The following FARP2 variants were observed in gnomAD, a reference collection of about 807,000 sequenced individuals.
FARP2 encodes the protein FERM, ARH/RhoGEF and pleckstrin domain protein 2.
Under a neutral mutation model 130.5 loss-of-function variants are expected in FARP2, and 111 were observed. That is an observed-to-expected ratio of 0.85 (90% confidence interval 0.73 to 1.00). FARP2 has a LOEUF of 1.00. Among genes scored for constraint, FARP2 ranks in the 50% least tolerant of loss-of-function variants. The pLI is 0.00. For missense variants in FARP2, 1,385 were observed against 1,346.3 expected (o/e 1.03, Z -0.45); for synonymous variants, 504 against 516.9 (o/e 0.98, Z 0.34).
At chr2:241,421,666 A>G (rs2062812883) in intron 8 of FARP2, among the ~76,000 whole-genome samples, 1 of 152,218 alleles carries the variant, frequency 6.6e-6, no homozygotes, top group Admixed American at 6.5e-5. Flanking sequence ...TGACTGGGTG[A>G]GCCACCCCCT....
intron 14 of FARP2, among the ~76,000 whole-genome samples, chr2:241,461,066 G>C (rs13399699): frequency 0.021 from 3,223 of 152,292 alleles, 121 homozygotes; most frequent in African/African-American, 0.073. Context: ...AGCAGTACAA[G>C]GAAGAAGACA....
At position 241,468,323 on chromosome 2, in the gene FARP2, C is replaced by T. The variant is rs368744784; in HGVS notation, c.2077C>T (p.Arg693Cys). The change falls in exon 18 of 27, where the codon CGC becomes TGC. Residue 693 changes from arginine (R) to cysteine (C), a missense_variant. Transcript: ENST00000264042. ...QRLLHYRLLL[R>C]RLCGHYSPGH... ...GCTGCTGCACTACCGCCTGCTGCTGCGCCGCCTATGCGGACATTACAGCCC... is the reference window on the plus strand; with the variant it reads ...GCTGCTGCACTACCGCCTGCTGCTGTGCCGCCTATGCGGACATTACAGCCC... The T allele has an allele frequency of 5.0e-5, 80 of 1,613,320 alleles. 1 individual carries two copies. The highest frequency in any genetic ancestry group is 2.4e-4 in the South Asian group (22 of 91,094).
intron 13 of FARP2, among the ~76,000 whole-genome samples, chr2:241,453,537 G>A (rs1218344058): frequency 6.6e-6 from 1 of 151,582 alleles, no homozygotes; most frequent in East Asian, 2.0e-4. Flanking sequence ...CAGGAGAATG[G>A]CATGAACCTG....
At chr2:241,493,109 C>T in intron 25 of FARP2, 73 bp downstream of exon 25, 1 of 1,135,176 alleles carries the variant, frequency 8.8e-7, no homozygotes, top group Admixed American at 1.7e-5. Flanking sequence ...CACCTGTGTC[C>T]CTTTTGTATT....
chr2:241,493,371 G>GACTA lies in FARP2; in HGVS notation c.2975_2978dup (p.Tyr993Ter), dbSNP rs765848044. Reference sequence around the variant, plus strand: ...CAGGGAGGCCGATGGCATACACAAAGACTATGTTTTCAAGCTCCAGTTCAA... The same window carrying GACTA: ...CAGGGAGGCCGATGGCATACACAAAGACTAACTATGTTTTCAAGCTCCAGTTCAA... On this transcript the variant is annotated stop_gained and frameshift_variant, in exon 26 of 27. Coordinates refer to ENST00000264042, the MANE Select transcript of FARP2 (RefSeq NM_014808.4). LOFTEE classifies it high-confidence loss of function. 5 of 1,614,020 alleles carry GACTA rather than the reference G, an allele frequency of 3.1e-6. No homozygotes were observed. The highest frequency in any genetic ancestry group is 2.5e-6 in the Non-Finnish European group (3 of 1,179,998).
chr2:241,403,117 A>AT (rs548573006), intron 2 of FARP2, among the ~76,000 whole-genome samples: 3 of 148,956 alleles, frequency 2.0e-5, no homozygotes, highest in Non-Finnish European at 4.5e-5. Context: ...ACCAAATAAT[A>AT]TTTTTTTTCT....
Position 241,468,299 on chromosome 2 carries a change from C to T in FARP2, c.2053C>T (p.Leu685=), listed in dbSNP as rs367671801. 3 of 1,613,500 alleles carry T rather than the reference C, an allele frequency of 1.9e-6. No individual in the cohort carries two copies. Among genetic ancestry groups the T allele is most frequent in the Admixed American group, 3.3e-5 (2 of 60,016 alleles). ...NTFLLKPIQR[L]LHYRLLLRRL... ...GTTCCTGCTGAAGCCCATCCAGCGG[C>T]TGCTGCACTACCGCCTGCTGCTGCG... is the stretch of plus-strand genomic sequence containing the variant. The change falls in exon 18 of 27, where the codon CTG becomes TTG. Residue 685 remains leucine (L), a synonymous_variant. Transcript: ENST00000264042.
At chr2:241,375,821 G>A (rs1394205432) in intron 2 of FARP2, among the ~76,000 whole-genome samples, 1 of 151,712 alleles carries the variant, frequency 6.6e-6, no homozygotes, top group Non-Finnish European at 1.5e-5. Flanking sequence ...TCTAACTCTT[G>A]GACTCAAGTG....
intron 13 of FARP2, among the ~76,000 whole-genome samples, chr2:241,448,118 C>G (rs2063554020): frequency 6.6e-6 from 1 of 152,190 alleles, no homozygotes; most frequent in Non-Finnish European, 1.5e-5. Context: ...TGGGTCTCCT[C>G]AGAGCCCATG....
chr2:241,393,173 C>A (rs1445122554), intron 2 of FARP2, among the ~76,000 whole-genome samples: 1 of 151,812 alleles, frequency 6.6e-6, no homozygotes, highest in African/African-American at 2.4e-5. Context: ...GCACCTGCCA[C>A]CACACCCGGC....
chr2:241,390,371 A>C (rs900063214), intron 2 of FARP2, among the ~76,000 whole-genome samples: 5 of 152,214 alleles, frequency 3.3e-5, no homozygotes, highest in African/African-American at 9.7e-5. Context: ...CTGGATTATC[A>C]TACCCCAGTG....
chr2:241,398,183 G>A (rs2062077808), intron 2 of FARP2, among the ~76,000 whole-genome samples: 1 of 152,060 alleles, frequency 6.6e-6, no homozygotes. Flanking sequence ...ATAAGAAAGT[G>A]CATGTGTCTT....
In FARP2 at chr2:241,462,219, C is replaced by T. The variant is rs111248605; in HGVS notation, c.1588-304C>T. 1.3e-3 allele frequency among the ~76,000 whole-genome samples: 204 copies of T among 152,344 alleles called. 1 individual carries two copies. Among genetic ancestry groups the T allele is most frequent in the African/African-American group, 4.5e-3 (186 of 41,582 alleles). ...TATAAGCACACACACACTCATGGAC[C>T]TGTGTCTGCTAACCAGCTATGCCAC... On this transcript the variant is annotated intron_variant, in intron 14 of 26. Coordinates refer to ENST00000264042, the MANE Select transcript of FARP2 (RefSeq NM_014808.4).
chr2:241,375,016 G>A (rs528986456), intron 2 of FARP2, among the ~76,000 whole-genome samples: 2 of 152,204 alleles, frequency 1.3e-5, no homozygotes, highest in African/African-American at 2.4e-5. Context: ...GCATGATCTC[G>A]GCTCACTGCA....
At chr2:241,490,997 CTT>C in intron 22 of FARP2, 62 bp from the exon 23 acceptor site, 1 of 1,313,624 alleles carries the variant, frequency 7.6e-7, no homozygotes, top group African/African-American at 1.4e-5. Context: ...CTCGCCCTCC[CTT>C]GAGGGCTGGG....
chr2:241,478,666 A>G, intron 19 of FARP2: 1 of 488,420 alleles, frequency 2.0e-6, no homozygotes, highest in Non-Finnish European at 4.1e-6. Context: ...TGGAAAAAGC[A>G]GAATTTTACA....
At position 241,455,735 on chromosome 2, in the gene FARP2, C is replaced by CTTTTT. The variant is rs1180839402; in HGVS notation, c.1412-994_1412-990dup. 5.3e-4 allele frequency among the ~76,000 whole-genome samples: 50 copies of CTTTTT among 94,788 alleles called. 1 individual carries two copies. Among genetic ancestry groups the CTTTTT allele is most frequent in the Non-Finnish European group, 7.5e-4 (36 of 48,206 alleles). 62.2% of individuals were successfully genotyped at this position (94,788 alleles called of 152,430 possible). A position where few individuals can be genotyped will look rare whatever the true frequency, so the allele number is the denominator to read the frequency against. On this transcript the variant is annotated intron_variant, in intron 13 of 26. Transcript: ENST00000264042. ...TCCTTCTCTAAAACTCTAAAGTTTT[C>CTTTTT]TTTTTTTTTTTTTTTTTTTTTTGAG...
At chr2:241,438,854 T>A (rs1320477918) in intron 12 of FARP2, among the ~76,000 whole-genome samples, 1 of 151,686 alleles carries the variant, frequency 6.6e-6, no homozygotes, top group Non-Finnish European at 1.5e-5. Context: ...ATGGTCTCAA[T>A]CTCCTGACCC....
intron 13 of FARP2, chr2:241,444,205 T>C (rs1016877652): frequency 2.6e-5 from 4 of 152,276 alleles, no homozygotes; most frequent in Admixed American, 6.5e-5. Context: ...GCTTTCTACA[T>C]TGGCTAACAA....
Sources: gnomAD v4.1 joint callset for allele counts (sites outside exome capture counted in the v4.1 genomes callset) on GRCh38, gnomAD v4.1.1 for gene constraint, MANE v1.5 for transcripts, NCBI Gene and HGNC (gene_info 2026-07-23, HGNC 2026-07-21) for gene names.